GRIK1: variants seen among roughly 807,000 people sequenced by gnomAD.
The protein encoded by GRIK1 is glutamate receptor ionotropic, kainate 1.
In GRIK1, 69 loss-of-function variants were observed where a neutral mutation model predicts 105.7. The observed-to-expected ratio is 0.65, with a 90% confidence interval of 0.54 to 0.80. The LOEUF is 0.80. GRIK1 is among the 30% of genes least tolerant of loss of function. The pLI, the probability that GRIK1 is intolerant of heterozygous loss-of-function variation, is 0.00. For missense variants in GRIK1, 1,109 were observed against 1,167.3 expected, an observed-to-expected ratio of 0.95 and a Z score of 0.73; for synonymous variants, 438 against 431.3, an observed-to-expected ratio of 1.02 and a Z score of -0.19.
At chr21:29,787,280 TATC>T (rs1406391222) in intron 1 of GRIK1, among the ~76,000 whole-genome samples, 2 of 152,220 alleles carry the variant, frequency 1.3e-5, no homozygotes, top group African/African-American at 4.8e-5. Context: ...AATTTGCTCT[TATC>T]ATTTAAAGTC....
At chr21:29,730,693 T>A (rs1164731796) in intron 1 of GRIK1, among the ~76,000 whole-genome samples, 1 of 152,178 alleles carries the variant, frequency 6.6e-6, no homozygotes, top group East Asian at 1.9e-4. Context: ...TGATATTTCC[T>A]GGGTTTGTTT....
chr21:29,732,015 TATA>T (rs2064640566), intron 1 of GRIK1, among the ~76,000 whole-genome samples: 2 of 152,242 alleles, frequency 1.3e-5, no homozygotes, highest in African/African-American at 4.8e-5. Flanking sequence ...TCATATTTGT[TATA>T]ATAAGTTAAT....
rs572767301 is a variant in GRIK1, at chr21:29,840,067, A to G, written c.118+99316T>C. On this transcript the variant is annotated intron_variant, in intron 1 of 17. Transcript: ENST00000327783. ...TCCTTGAAGTTGGGGATGGACTTCC[A>G]GATGGTGTGGAGTGGGAATTGAAAA... 4.6e-5 allele frequency among the ~76,000 whole-genome samples: 7 copies of G among 152,344 alleles called. No individual in the cohort carries two copies. In the South Asian group the frequency reaches 1.5e-3, roughly 32 times the overall value.
chr21:29,878,919 C>T (rs1204387656), intron 1 of GRIK1, among the ~76,000 whole-genome samples: 8 of 152,122 alleles, frequency 5.3e-5, no homozygotes, highest in East Asian at 3.9e-4. Context: ...AATTTGCCAG[C>T]GCCTTGATCT....
chr21:29,659,688 C>T lies in GRIK1; in HGVS notation c.727-4825G>A, dbSNP rs150770571. Among the ~76,000 whole-genome samples, 836 of 152,286 alleles carry T rather than the reference C, an allele frequency of 5.5e-3. 32 individuals are homozygous for T. Among genetic ancestry groups the T allele is most frequent in the Admixed American group, 0.048 (728 of 15,286 alleles). On this transcript the variant is annotated intron_variant, in intron 4 of 17. Coordinates refer to ENST00000327783, the MANE Select transcript of GRIK1 (RefSeq NM_001330994.2). Reference sequence around the variant, plus strand: ...ATAAAAACTCAATGCCGGCCAGGCGCGGTGGCTCACGCTTGTAATCCCAGC... The same window carrying T: ...ATAAAAACTCAATGCCGGCCAGGCGTGGTGGCTCACGCTTGTAATCCCAGC...
At chr21:29,805,905 T>C (rs1308363901) in intron 1 of GRIK1, among the ~76,000 whole-genome samples, 1 of 152,160 alleles carries the variant, frequency 6.6e-6, no homozygotes, top group East Asian at 1.9e-4. Flanking sequence ...CTCTGCATCA[T>C]AAATCAGCAT....
At chr21:29,806,766 A>G (rs542624392) in intron 1 of GRIK1, among the ~76,000 whole-genome samples, 6 of 152,194 alleles carry the variant, frequency 3.9e-5, no homozygotes, top group Non-Finnish European at 7.4e-5. Flanking sequence ...CTTTGTTTAT[A>G]TAGGGCTTAT....
At position 29,740,239 on chromosome 21, in the gene GRIK1, G is replaced by A. The variant is rs2064893333; in HGVS notation, c.119-46176C>T. Among the ~76,000 whole-genome samples the A allele has an allele frequency of 1.4e-5, 2 of 146,666 alleles. 1 individual carries two copies. The highest frequency in any genetic ancestry group is 4.3e-4 in the South Asian group (2 of 4,676). On this transcript the variant is annotated intron_variant, in intron 1 of 17. Coordinates refer to ENST00000327783, the MANE Select transcript of GRIK1 (RefSeq NM_001330994.2). The stretch of plus-strand genomic sequence containing the variant: ...TTCCTTTTCTTTTTTTTTTTTTTGA[G>A]ACAGAGTCTCCCTCTGTCACCAGGC...
chr21:29,614,315 T>C (rs998455956), intron 7 of GRIK1, among the ~76,000 whole-genome samples: 5 of 151,960 alleles, frequency 3.3e-5, no homozygotes, highest in African/African-American at 1.2e-4. Flanking sequence ...CAATAAACAG[T>C]AGTTATAACT....
At chr21:29,804,053 C>G (rs901957013) in intron 1 of GRIK1, among the ~76,000 whole-genome samples, 7 of 152,062 alleles carry the variant, frequency 4.6e-5, no homozygotes, top group African/African-American at 1.7e-4. Flanking sequence ...GGAGGATGGA[C>G]AGAAGCTCAT....
At chr21:29,763,781 T>C (rs1320722345) in intron 1 of GRIK1, 2 of 152,204 alleles carry the variant, frequency 1.3e-5, no homozygotes, top group African/African-American at 4.8e-5. Flanking sequence ...CTGTTGTTAA[T>C]ACAATTGAGG....
At chr21:29,912,634 T>C (rs1431587907) in intron 1 of GRIK1, among the ~76,000 whole-genome samples, 2 of 152,104 alleles carry the variant, frequency 1.3e-5, no homozygotes, top group East Asian at 1.9e-4. Context: ...ATATTTATTC[T>C]AAAGCCCTGG....
chr21:29,808,724 T>C (rs2066929100), intron 1 of GRIK1, among the ~76,000 whole-genome samples: 1 of 152,204 alleles, frequency 6.6e-6, no homozygotes, highest in African/African-American at 2.4e-5. Flanking sequence ...TAATTCCTTT[T>C]GAAAATCTGT....
At chr21:29,674,285 A>T (rs1331204535) in intron 3 of GRIK1, among the ~76,000 whole-genome samples, 2 of 144,266 alleles carry the variant, frequency 1.4e-5, no homozygotes, top group African/African-American at 5.3e-5. Flanking sequence ...CAGAAGTTAC[A>T]TTTGTGTGTG....
At chr21:29,808,168 A>G (rs2066914708) in intron 1 of GRIK1, among the ~76,000 whole-genome samples, 1 of 152,112 alleles carries the variant, frequency 6.6e-6, no homozygotes, top group African/African-American at 2.4e-5. Flanking sequence ...TTTTGTTTTC[A>G]AGTCGGGTCT....
At chr21:29,724,230 T>C (rs1355517917) in intron 1 of GRIK1, among the ~76,000 whole-genome samples, 2 of 152,252 alleles carry the variant, frequency 1.3e-5, no homozygotes. Flanking sequence ...TCCCAAATTT[T>C]GCAACTGATT....
chr21:29,558,244 G>A (rs757391883), intron 15 of GRIK1, among the ~76,000 whole-genome samples: 1 of 152,062 alleles, frequency 6.6e-6, no homozygotes, highest in African/African-American at 2.4e-5. Context: ...AAGACTAGAA[G>A]TGTACAGATA....
intron 7 of GRIK1, among the ~76,000 whole-genome samples, chr21:29,622,994 G>A (rs1442022147): frequency 6.6e-6 from 1 of 152,102 alleles, no homozygotes; most frequent in East Asian, 1.9e-4. Flanking sequence ...GATGATGGAA[G>A]GTAACAAATT....
intron 7 of GRIK1, among the ~76,000 whole-genome samples, chr21:29,599,455 C>T (rs2061477546): frequency 6.6e-6 from 1 of 152,164 alleles, no homozygotes; most frequent in Admixed American, 6.5e-5. Flanking sequence ...TAATCACAAA[C>T]GTGGGTGCTC....
Sources: allele counts gnomAD v4.1 joint callset (sites outside exome capture counted in the v4.1 genomes callset), GRCh38; gene constraint gnomAD v4.1.1; transcripts MANE v1.5; gene names NCBI Gene and HGNC (gene_info 2026-07-23, HGNC 2026-07-21).